The following NID1 variants were observed in gnomAD, a reference collection of about 807,000 sequenced individuals.
NID1 encodes nidogen-1.
Under a neutral mutation model 130.6 loss-of-function variants are expected in NID1, and 76 were observed. The observed-to-expected ratio is 0.58, with a 90% CI of 0.48 to 0.70. NID1 has a LOEUF of 0.70. Ranked by LOEUF, NID1 falls within the 30% of genes least tolerant of loss-of-function variation. The pLI is 0.00. For missense variants in NID1, 1,517 were observed against 1,664.8 expected, an observed-to-expected ratio of 0.91 and a Z score of 1.54; for synonymous variants, 665 against 675.1, an observed-to-expected ratio of 0.98 and a Z score of 0.23.
At chr1:236,060,691 T>C (rs1351534591) in intron 1 of NID1, 1 of 151,696 alleles carries the variant, frequency 6.6e-6, no homozygotes, top group Non-Finnish European at 1.5e-5. Flanking sequence ...TTTCCGATGG[T>C]AGTGGGTTAT....
intron 4 of NID1, among the ~76,000 whole-genome samples, chr1:236,040,254 A>G (rs533455400): frequency 8.3e-4 from 127 of 152,286 alleles, no homozygotes; most frequent in African/African-American, 2.5e-3. Flanking sequence ...CAATGTAAGC[A>G]TCACCCCAGG....
chr1:235,990,621 G>T (rs1012007317), intron 14 of NID1, among the ~76,000 whole-genome samples: 1 of 152,228 alleles, frequency 6.6e-6, no homozygotes, highest in Non-Finnish European at 1.5e-5. Context: ...TCCAATGCTT[G>T]TTGCTACGTC....
chr1:235,990,021 C>T (rs1305237184), intron 14 of NID1, among the ~76,000 whole-genome samples: 1 of 152,334 alleles, frequency 6.6e-6, no homozygotes, highest in East Asian at 1.9e-4. Flanking sequence ...CATTTGAGAG[C>T]TTTGTGCAGG....
chr1:236,045,448 A>G lies in NID1; in HGVS notation c.752+9T>C, dbSNP rs994226191. The G allele has an allele frequency of 6.3e-7, 1 of 1,593,536 alleles. No homozygotes were observed. The highest frequency in any genetic ancestry group is 1.7e-5 in the Admixed American group (1 of 59,962). ...GAGGAGAATCTACTGAAGAACAAAG[A>G]AAGCATACTTGGCCAAATTTTCAAC... On this transcript the variant is annotated intron_variant, in intron 3 of 19. Coordinates refer to ENST00000264187, the MANE Select transcript of NID1 (RefSeq NM_002508.3).
intron 13 of NID1, among the ~76,000 whole-genome samples, chr1:235,991,919 T>C (rs6429452): frequency 0.53 from 80,307 of 152,030 alleles, 22,666 homozygotes; most frequent in Non-Finnish European, 0.62. Flanking sequence ...ACATGACGTT[T>C]ATGGGCTTCC....
At chr1:236,038,852 GTTATATAGGTCATATA>G (rs1280387659) in intron 4 of NID1, among the ~76,000 whole-genome samples, 27 of 125,856 alleles carry the variant, frequency 2.1e-4, no homozygotes, top group African/African-American at 7.1e-4. Flanking sequence ...TATTACCTAT[GTTATATAGGTCATATA>G]TAATATATAT....
intron 2 of NID1, 133 bp from the exon 3 acceptor site, chr1:236,045,816 A>G: frequency 1.4e-6 from 1 of 699,732 alleles, no homozygotes; most frequent in Non-Finnish European, 2.3e-6. Context: ...TTCTAAAAGA[A>G]GGACTTTTGT....
rs527797707 is a variant in NID1, at chr1:235,994,188, G to A, written c.2528-316C>T. 1.2e-4 allele frequency among the ~76,000 whole-genome samples: 19 copies of A among 152,254 alleles called. No homozygotes were observed. In the East Asian group the frequency reaches 3.5e-3, roughly 28 times the overall value. ...CCTTTTTTTACTTTTTTGCGATGGC[G>A]TTTCGCTCCTGTTGCCCAGGCTGGA... On this transcript the variant is annotated intron_variant, in intron 12 of 19. Coordinates refer to ENST00000264187, the MANE Select transcript of NID1 (RefSeq NM_002508.3).
At chr1:236,001,592 G>T (rs950021984) in intron 12 of NID1, among the ~76,000 whole-genome samples, 1 of 152,188 alleles carries the variant, frequency 6.6e-6, no homozygotes, top group Non-Finnish European at 1.5e-5. Context: ...TAATAATAGT[G>T]ATAGCAACAG....
intron 12 of NID1, among the ~76,000 whole-genome samples, chr1:235,995,356 CTG>C (rs1657891515): frequency 6.6e-6 from 1 of 152,174 alleles, no homozygotes; most frequent in African/African-American, 2.4e-5. Context: ...ACTTGAGTAC[CTG>C]TGGATTGGTA....
At chr1:236,013,695 C>T (rs756181362) in intron 10 of NID1, 135 bp from the exon 11 acceptor site, 154 of 940,802 alleles carry the variant, frequency 1.6e-4, no homozygotes, top group Non-Finnish European at 2.1e-4. Context: ...TCACCTGCAC[C>T]CCACTCCTCA....
intron 9 of NID1, among the ~76,000 whole-genome samples, chr1:236,020,483 T>A (rs1421375906): frequency 6.6e-6 from 1 of 152,186 alleles, no homozygotes; most frequent in African/African-American, 2.4e-5. Context: ...GGCTCTAAAT[T>A]GAGAAACAGC....
At chr1:235,999,054 T>C (rs1325620536) in intron 12 of NID1, among the ~76,000 whole-genome samples, 1 of 152,204 alleles carries the variant, frequency 6.6e-6, no homozygotes, top group Non-Finnish European at 1.5e-5. Flanking sequence ...CTCCCTCACA[T>C]TGAACCTGTT....
chr1:235,999,047 C>T (rs1262323883), intron 12 of NID1, among the ~76,000 whole-genome samples: 2 of 152,192 alleles, frequency 1.3e-5, no homozygotes, highest in East Asian at 1.9e-4. Context: ...TAGACGGCTC[C>T]CTCACATTGA....
intron 12 of NID1, among the ~76,000 whole-genome samples, chr1:235,995,089 A>C (rs1171978954): frequency 6.6e-6 from 1 of 152,164 alleles, no homozygotes; most frequent in African/African-American, 2.4e-5. Flanking sequence ...TACAGTGAAC[A>C]CTCCATATCC....
Position 235,978,159 on chromosome 1 carries a change from C to A in NID1, c.3623-171G>T, listed in dbSNP as rs951780955. Among the ~76,000 whole-genome samples, 3 of 152,296 alleles carry A rather than the reference C, an allele frequency of 2.0e-5. No individual in the cohort carries two copies. The East Asian group carries it at 5.8e-4, about 29-fold the overall frequency. On this transcript the variant is annotated intron_variant, in intron 19 of 19. Coordinates refer to ENST00000264187, the MANE Select transcript of NID1 (RefSeq NM_002508.3). ...GTGCTAGGCAGTCAGCTGAGCTGAT[C>A]CATTGTTTGTTTTATCAGCATTAAA...
intron 7 of NID1, 139 bp downstream of exon 7, chr1:236,029,411 G>A (rs1416705648): frequency 1.3e-6 from 1 of 760,976 alleles, no homozygotes; most frequent in East Asian, 2.7e-5. Flanking sequence ...TATAATTGAG[G>A]GGAAGGTGAC....
chr1:235,984,632 T>C (rs1441679700), intron 15 of NID1, among the ~76,000 whole-genome samples: 2 of 152,206 alleles, frequency 1.3e-5, no homozygotes. Context: ...GACAATGCCA[T>C]AGGAGCAAAA....
intron 12 of NID1, among the ~76,000 whole-genome samples, chr1:236,010,300 CTTTTTTTTT>C (rs551127579): frequency 9.3e-6 from 1 of 107,192 alleles, no homozygotes; most frequent in Non-Finnish European, 1.9e-5. Flanking sequence ...GCTATTTATA[CTTTTTTTTT>C]TTTTTTTTTT....
Sources: allele counts gnomAD v4.1 joint callset (sites outside exome capture counted in the v4.1 genomes callset), GRCh38; gene constraint gnomAD v4.1.1; transcripts MANE v1.5; gene names NCBI Gene and HGNC (gene_info 2026-07-23, HGNC 2026-07-21).